The following PLCG2 variants were observed in gnomAD, a reference collection of about 807,000 sequenced individuals.
The protein encoded by PLCG2 is 1-phosphatidylinositol 4,5-bisphosphate phosphodiesterase gamma-2.
PLCG2 carries 69 observed loss-of-function variants against 175.6 expected under a neutral mutation model. The observed-to-expected ratio is 0.39, with a 90% CI of 0.32 to 0.48. PLCG2 has a LOEUF of 0.48. Among genes scored for constraint, PLCG2 ranks in the 20% least tolerant of loss-of-function variants. The probability of loss-of-function intolerance (pLI) is 0.91; values close to 1 mark genes in which losing one functional copy is unlikely to be tolerated. For missense variants in PLCG2, 1,798 were observed against 1,650.9 expected (o/e 1.09, Z -1.54); for synonymous variants, 827 against 624.0 (o/e 1.33, Z -4.85).
At chr16:81,845,680 C>T (rs549630389) in intron 2 of PLCG2, among the ~76,000 whole-genome samples, 3 of 152,314 alleles carry the variant, frequency 2.0e-5, no homozygotes, top group South Asian at 4.1e-4. Flanking sequence ...GCGCAGTGGG[C>T]CTGACCGCTC....
intron 3 of PLCG2, chr16:81,857,970 A>G (rs1205448036): frequency 2.5e-6 from 1 of 392,990 alleles, no homozygotes; most frequent in Non-Finnish European, 4.7e-6. Flanking sequence ...ACAATGTCAT[A>G]GTGATAGTTC....
chr16:81,790,024 A>G (rs1387028482), intron 2 of PLCG2, among the ~76,000 whole-genome samples: 4 of 152,180 alleles, frequency 2.6e-5, no homozygotes, highest in African/African-American at 9.7e-5. Flanking sequence ...TTGCTGTGTG[A>G]TCTTGGGCAA....
At chr16:81,928,652 A>T in intron 24 of PLCG2, 28 bp downstream of exon 24, 1 of 1,494,844 alleles carries the variant, frequency 6.7e-7, no homozygotes, top group Non-Finnish European at 9.3e-7. Context: ...CTTAGCCTGG[A>T]TTTCCACCCC....
chr16:81,859,764 C>G (rs921782827), intron 5 of PLCG2, among the ~76,000 whole-genome samples: 1 of 152,096 alleles, frequency 6.6e-6, no homozygotes, highest in Non-Finnish European at 1.5e-5. Context: ...TCTTGAACTC[C>G]TGACCTTGTG....
chr16:81,872,560 A>G (rs888278853), intron 7 of PLCG2, among the ~76,000 whole-genome samples: 7 of 152,358 alleles, frequency 4.6e-5, no homozygotes, highest in South Asian at 2.1e-4. Context: ...CATAGAGCAT[A>G]AAGTTTTAAA....
intron 7 of PLCG2, among the ~76,000 whole-genome samples, chr16:81,878,714 T>C (rs2143560308): frequency 6.6e-6 from 1 of 152,318 alleles, no homozygotes; most frequent in Non-Finnish European, 1.5e-5. Flanking sequence ...CCGTGGTCTT[T>C]ATCTTGTCCA....
chr16:81,893,579 C>G (rs758522836), intron 11 of PLCG2, 130 bp from the exon 12 acceptor site: 2 of 671,792 alleles, frequency 3.0e-6, no homozygotes, highest in South Asian at 1.6e-5. Flanking sequence ...TTGAGTCTTT[C>G]TACATGGAAG....
chr16:81,869,100 G>A (rs1377062290), intron 5 of PLCG2, 114 bp from the exon 6 acceptor site: 1 of 739,194 alleles, frequency 1.4e-6, no homozygotes, highest in African/African-American at 1.8e-5. Context: ...ATAAATAACT[G>A]TTGACCAGGC....
At position 81,766,202 on chromosome 16, in the gene PLCG2, T is replaced by A. The variant is rs577183608; in HGVS notation, c.-48+10236T>A. Among the ~76,000 whole-genome samples, 3 of 151,938 alleles carry A rather than the reference T, an allele frequency of 2.0e-5. No homozygotes were observed. The South Asian group carries it at 6.2e-4, about 31-fold the overall frequency. On this transcript the variant is annotated intron_variant, in intron 2 of 5. Coordinates refer to the PLCG2 transcript ENST00000565054. ...CAAGAGGAAATCCACCTACAGGGAC[T>A]CAGGCCTTTCTCTCCAAGTGGGGCC...
chr16:81,907,862 T>C (rs1038255436), intron 16 of PLCG2, 88 bp downstream of exon 16: 1 of 892,134 alleles, frequency 1.1e-6, no homozygotes, highest in African/African-American at 1.6e-5. Context: ...CCATGTGGCT[T>C]CTCTGGCCGG....
In PLCG2 at chr16:81,754,186, C is replaced by T. The variant is rs76203431; in HGVS notation, c.-144-1684C>T. ...TCTCCATCTCCGTCTCCACCTCCAC[C>T]TGAGTTGAGAGGGGATGGAGAAGCT... On this transcript the variant is annotated intron_variant, in intron 1 of 5. Coordinates refer to the PLCG2 transcript ENST00000565054. Among the ~76,000 whole-genome samples the T allele has an allele frequency of 8.3e-3, 1,262 of 151,944 alleles. 17 individuals carry two copies. The highest frequency in any genetic ancestry group is 0.028 in the African/African-American group (1,177 of 41,406).
chr16:81,859,549 T>G (rs1261144176), intron 5 of PLCG2, among the ~76,000 whole-genome samples: 2 of 152,112 alleles, frequency 1.3e-5, no homozygotes, highest in African/African-American at 4.8e-5. Flanking sequence ...TCTTTTTTTT[T>G]TTTGAGACGG....
intron 2 of PLCG2, among the ~76,000 whole-genome samples, chr16:81,811,291 A>G (rs1488291894): frequency 6.6e-6 from 1 of 152,086 alleles, no homozygotes; most frequent in Non-Finnish European, 1.5e-5. Flanking sequence ...GAGATCGGGT[A>G]TGTAAAACCT....
chr16:81,858,030 C>A (rs1478856938), intron 3 of PLCG2: 1 of 492,888 alleles, frequency 2.0e-6, no homozygotes, highest in Non-Finnish European at 3.7e-6. Flanking sequence ...AGGAAATAAC[C>A]CACTTGTCAT....
rs35288622 is a variant in PLCG2, at chr16:81,941,563, ATTTTT to A, written c.3481+1515_3481+1519del. ...TTTGGGAAAATGTTTAAAGTTTCTGATTTTTTTTTTTTTTTGTACTCTAGAAATGT... is the reference window on the plus strand; with the variant it reads ...TTTGGGAAAATGTTTAAAGTTTCTGATTTTTTTTTTGTACTCTAGAAATGT... On this transcript the variant is annotated intron_variant, in intron 30 of 32. Coordinates refer to ENST00000564138, the MANE Select transcript of PLCG2 (RefSeq NM_002661.5). Among the ~76,000 whole-genome samples the A allele has an allele frequency of 2.8e-5, 4 of 144,672 alleles. No individual in the cohort carries two copies. The Admixed American group carries it at 2.8e-4, about 10-fold the overall frequency. 94.9% of individuals were successfully genotyped at this position (144,672 alleles called of 152,430 possible).
intron 19 of PLCG2, 121 bp downstream of exon 19, chr16:81,912,837 C>A: frequency 8.1e-7 from 1 of 1,237,410 alleles, no homozygotes; most frequent in Non-Finnish European, 1.1e-6. Context: ...CCAGCATCAG[C>A]GACAACAACA....
At chr16:81,819,705 CT>C (rs1191622256) in intron 2 of PLCG2, among the ~76,000 whole-genome samples, 4 of 152,324 alleles carry the variant, frequency 2.6e-5, no homozygotes, top group Admixed American at 2.6e-4. Flanking sequence ...CTGCCTCAGC[CT>C]CCTGAGCAGC....
Position 81,895,812 on chromosome 16 carries a change from T to TG in PLCG2, c.1079dup (p.Cys360TrpfsTer24). 6.2e-7 allele frequency: 1 copy of TG among 1,614,106 alleles called. No individual in the cohort carries two copies. The highest frequency in any genetic ancestry group is 8.5e-7 in the Non-Finnish European group (1 of 1,180,010). ...TGCCGCGTTTCTCCCTGTAGTGGAC[T>TG]GCTGGGACGGGCCCGATGGGAAGCC... On this transcript the variant is annotated frameshift_variant, in exon 13 of 33. Transcript: ENST00000564138. LOFTEE classifies it high-confidence loss of function.
chr16:81,771,292 G>T (rs756368774), intron 2 of PLCG2, among the ~76,000 whole-genome samples: 4 of 152,152 alleles, frequency 2.6e-5, no homozygotes, highest in Non-Finnish European at 5.9e-5. Context: ...CACTGGTGTT[G>T]TCACAGCTCA....
Sources: allele counts gnomAD v4.1 joint callset (sites outside exome capture counted in the v4.1 genomes callset), GRCh38; gene constraint gnomAD v4.1.1; transcripts MANE v1.5; gene names NCBI Gene and HGNC (gene_info 2026-07-23, HGNC 2026-07-21).